The following CAMK2D variants were observed in gnomAD, a reference collection of about 807,000 sequenced individuals.
CAMK2D encodes the protein calcium/calmodulin dependent protein kinase II delta.
In CAMK2D, 37 loss-of-function variants were observed where a neutral mutation model predicts 84.0. The observed-to-expected ratio is 0.44, with a 90% CI of 0.34 to 0.58. CAMK2D has a LOEUF of 0.58. CAMK2D is among the 20% of genes least tolerant of loss of function. CAMK2D has a pLI of 0.02. For synonymous variants in CAMK2D, 202 were observed against 212.5 expected (o/e 0.95, Z 0.43); for missense variants, 448 against 652.5 (o/e 0.69, Z 3.41).
At chr4:113,460,688 A>T (rs57903150) in intron 17 of CAMK2D, among the ~76,000 whole-genome samples, 31,678 of 149,994 alleles carry the variant, frequency 0.21, 3,500 homozygotes, top group Middle Eastern at 0.31. Context: ...TAATAATAAT[A>T]ATTATTATTA....
intron 16 of CAMK2D, among the ~76,000 whole-genome samples, chr4:113,489,127 G>T (rs4834341): frequency 6.6e-6 from 1 of 151,688 alleles, no homozygotes; most frequent in Non-Finnish European, 1.5e-5. Context: ...TAGTATATGC[G>T]GACAGTAATT....
intron 2 of CAMK2D, among the ~76,000 whole-genome samples, chr4:113,746,513 G>A (rs2099604483): frequency 6.6e-6 from 1 of 151,990 alleles, no homozygotes; most frequent in Admixed American, 6.6e-5. Context: ...CCCAATAATT[G>A]GTTCTCTGTC....
chr4:113,518,589 C>T (rs1048902031), intron 8 of CAMK2D, among the ~76,000 whole-genome samples: 3 of 152,070 alleles, frequency 2.0e-5, no homozygotes, highest in Admixed American at 6.6e-5. Context: ...AGCTCATTAT[C>T]CTGGAGGAAG....
In CAMK2D at chr4:113,452,753, G is replaced by T. The variant is rs2097266260; in HGVS notation, c.*1792C>A. 1 of 152,092 alleles carries T rather than the reference G, an allele frequency of 6.6e-6. No individual in the cohort carries two copies. The highest frequency in any genetic ancestry group is 2.1e-4 in the South Asian group (1 of 4,800). The allele number at this position is 152,092 out of a possible 1,614,324, so 9.4% of individuals were successfully genotyped here. Reference sequence around the variant, plus strand: ...AAAGAAATTAAAAAGAGAAAAATGAGGCCATTATTTTTTCACAGATCTCAT... The same window carrying T: ...AAAGAAATTAAAAAGAGAAAAATGATGCCATTATTTTTTCACAGATCTCAT... On this transcript the variant is annotated 3_prime_UTR_variant, in exon 21 of 21. Transcript: ENST00000511664.
At chr4:113,756,547 A>G (rs765364138) in intron 2 of CAMK2D, among the ~76,000 whole-genome samples, 10 of 152,038 alleles carry the variant, frequency 6.6e-5, no homozygotes, top group Non-Finnish European at 1.3e-4. Flanking sequence ...CGTATTCATT[A>G]TTTTAAAAAT....
At chr4:113,469,923 T>G (rs79341581) in intron 16 of CAMK2D, among the ~76,000 whole-genome samples, 10,246 of 152,252 alleles carry the variant, frequency 0.067, 597 homozygotes, top group East Asian at 0.21. Context: ...TCATTTCTTG[T>G]CCAGGCTCTG....
intron 4 of CAMK2D, among the ~76,000 whole-genome samples, chr4:113,588,511 A>C (rs1354910832): frequency 6.6e-6 from 1 of 152,180 alleles, no homozygotes; most frequent in Non-Finnish European, 1.5e-5. Context: ...GCTAAACCAA[A>C]TCTCTAGTTT....
intron 16 of CAMK2D, among the ~76,000 whole-genome samples, chr4:113,488,077 T>C (rs953764220): frequency 6.6e-6 from 1 of 151,884 alleles, no homozygotes; most frequent in African/African-American, 2.4e-5. Context: ...AAAAAAGTGA[T>C]AAAGCCATAA....
chr4:113,612,341 A>G (rs2099003851), intron 3 of CAMK2D, among the ~76,000 whole-genome samples: 1 of 152,160 alleles, frequency 6.6e-6, no homozygotes, highest in Non-Finnish European at 1.5e-5. Context: ...CAGTTTCTCA[A>G]GGATTGAAAA....
intron 3 of CAMK2D, among the ~76,000 whole-genome samples, chr4:113,623,203 C>T (rs1304697703): frequency 6.6e-6 from 1 of 152,090 alleles, no homozygotes; most frequent in Non-Finnish European, 1.5e-5. Context: ...TTTTCAGTGA[C>T]TATGCATATT....
In CAMK2D at chr4:113,520,060, G is replaced by A. The variant is rs139553457; in HGVS notation, c.602-2403C>T. ...GGTCCTATCTTAAATGTTCCTTGCA[G>A]CTACTTTTTCCTTTAGCTAGGTCCT... On this transcript the variant is annotated intron_variant, in intron 8 of 20. Transcript: ENST00000511664. Among the ~76,000 whole-genome samples, 535 of 152,256 alleles carry A rather than the reference G, an allele frequency of 3.5e-3. 2 individuals carry two copies. Among genetic ancestry groups the A allele is most frequent in the African/African-American group, 0.012 (498 of 41,560 alleles).
At chr4:113,688,505 C>T (rs566984117) in intron 2 of CAMK2D, among the ~76,000 whole-genome samples, 1 of 152,110 alleles carries the variant, frequency 6.6e-6, no homozygotes, top group Non-Finnish European at 1.5e-5. Context: ...AAATTTGTGT[C>T]TCTAGCCTGC....
intron 2 of CAMK2D, among the ~76,000 whole-genome samples, chr4:113,668,531 G>T (rs867233043): frequency 2.0e-5 from 3 of 152,020 alleles, no homozygotes; most frequent in African/African-American, 7.2e-5. Flanking sequence ...AACTTTAAAA[G>T]AACTAAATTC....
chr4:113,482,695 G>A (rs2097715720), intron 16 of CAMK2D, among the ~76,000 whole-genome samples: 1 of 152,216 alleles, frequency 6.6e-6, no homozygotes, highest in Non-Finnish European at 1.5e-5. Context: ...ACACAATTGA[G>A]TAGTTTGGAA....
intron 3 of CAMK2D, among the ~76,000 whole-genome samples, chr4:113,653,405 A>G (rs576458816): frequency 6.6e-6 from 1 of 152,172 alleles, no homozygotes; most frequent in Non-Finnish European, 1.5e-5. Flanking sequence ...TTTTGCTACT[A>G]AATAGTATTA....
At chr4:113,673,575 G>A (rs898897804) in intron 2 of CAMK2D, among the ~76,000 whole-genome samples, 6 of 152,234 alleles carry the variant, frequency 3.9e-5, no homozygotes, top group Admixed American at 1.3e-4. Context: ...GGATTTATCC[G>A]AAGAGAGAGT....
intron 3 of CAMK2D, among the ~76,000 whole-genome samples, chr4:113,620,564 C>T (rs1436800901): frequency 6.6e-6 from 1 of 150,812 alleles, no homozygotes; most frequent in African/African-American, 2.4e-5. Context: ...CTGGAGTGCC[C>T]TGGCATGATC....
At chr4:113,754,194 A>T (rs2099623371) in intron 2 of CAMK2D, 1 of 957,314 alleles carries the variant, frequency 1.0e-6, no homozygotes, top group Non-Finnish European at 1.2e-6. Flanking sequence ...TCTTTAACAC[A>T]GCCTCTATAT....
chr4:113,546,349 C>G (rs2098571795), intron 6 of CAMK2D, among the ~76,000 whole-genome samples: 1 of 152,198 alleles, frequency 6.6e-6, no homozygotes, highest in South Asian at 2.1e-4. Context: ...TTGCTTTATA[C>G]TAATGGGTAC....
Sources: allele counts gnomAD v4.1 joint callset (sites outside exome capture counted in the v4.1 genomes callset), GRCh38; gene constraint gnomAD v4.1.1; transcripts MANE v1.5; gene names NCBI Gene and HGNC (gene_info 2026-07-23, HGNC 2026-07-21).